WWTR1: variants seen among roughly 807,000 people sequenced by gnomAD.
The protein encoded by WWTR1 is WW domain containing transcription regulator 1.
Under a neutral mutation model 40.1 loss-of-function variants are expected in WWTR1, and 13 were observed. The ratio of observed to expected loss-of-function variants is 0.32; its 90% CI spans 0.21 to 0.52. WWTR1 has a LOEUF of 0.52. WWTR1 is among the 20% of genes least tolerant of loss of function. The pLI is 0.97. For missense variants in WWTR1, 436 were observed against 523.1 expected (o/e 0.83, Z 1.63); for synonymous variants, 230 against 210.1 (o/e 1.09, Z -0.82).
At chr3:149,546,326 T>C (rs985756182) in intron 3 of WWTR1, among the ~76,000 whole-genome samples, 1 of 152,256 alleles carries the variant, frequency 6.6e-6, no homozygotes, top group Non-Finnish European at 1.5e-5. Context: ...GTATTGTTTA[T>C]AATTGCAAAA....
chr3:149,574,111 GC>G (rs1275062390), intron 2 of WWTR1, among the ~76,000 whole-genome samples: 2 of 151,966 alleles, frequency 1.3e-5, no homozygotes, highest in Non-Finnish European at 2.9e-5. Flanking sequence ...GCCCATTGCA[GC>G]CCCGACATCC....
chr3:149,709,770 G>A (rs1715432748), intron 5 of WWTR1, among the ~76,000 whole-genome samples: 1 of 152,106 alleles, frequency 6.6e-6, no homozygotes, highest in South Asian at 2.1e-4. Flanking sequence ...CGGGTGTGGT[G>A]GAACATGCCT....
intron 2 of WWTR1, among the ~76,000 whole-genome samples, chr3:149,589,966 G>A (rs1738619800): frequency 6.6e-6 from 1 of 152,014 alleles, no homozygotes. Flanking sequence ...CCCCAGAAAG[G>A]AACAAATTCT....
intron 2 of WWTR1, among the ~76,000 whole-genome samples, chr3:149,648,820 C>A (rs980988504): frequency 1.1e-4 from 17 of 152,220 alleles, no homozygotes; most frequent in Admixed American, 1.1e-3. Flanking sequence ...CTGATCCAGG[C>A]TCTAGGACCA....
At chr3:149,629,416 C>T (rs146603101) in intron 2 of WWTR1, among the ~76,000 whole-genome samples, 1 of 152,172 alleles carries the variant, frequency 6.6e-6, no homozygotes, top group African/African-American at 2.4e-5. Context: ...GTATTTCCTA[C>T]GCTGGGGAAT....
At chr3:149,610,763 T>G (rs1247252330) in intron 2 of WWTR1, among the ~76,000 whole-genome samples, 1 of 152,188 alleles carries the variant, frequency 6.6e-6, no homozygotes, top group Non-Finnish European at 1.5e-5. Context: ...TTCACTCATT[T>G]GTCAAACATC....
chr3:149,580,892 G>A (rs192391056), intron 2 of WWTR1, among the ~76,000 whole-genome samples: 107 of 152,322 alleles, frequency 7.0e-4, no homozygotes, highest in African/African-American at 2.2e-3. Flanking sequence ...GATTATAGGC[G>A]TGAGCCACCG....
intron 2 of WWTR1, among the ~76,000 whole-genome samples, chr3:149,627,837 C>A (rs1035971973): frequency 2.0e-5 from 3 of 146,352 alleles, no homozygotes; most frequent in African/African-American, 5.1e-5. Context: ...CTTTGGGAGG[C>A]CGAGAAGGGG....
At chr3:149,717,155 G>T (rs9882629) in intron 5 of WWTR1, among the ~76,000 whole-genome samples, 48,049 of 152,040 alleles carry the variant, frequency 0.32, 8,429 homozygotes, top group Middle Eastern at 0.52. Context: ...GACTGGCCTT[G>T]TCTGGTTAAC....
intron 2 of WWTR1, among the ~76,000 whole-genome samples, chr3:149,616,133 A>G (rs951593294): frequency 2.6e-5 from 4 of 152,064 alleles, no homozygotes; most frequent in African/African-American, 7.2e-5. Flanking sequence ...TGGAAGCTAC[A>G]CTGCACTCAG....
intron 3 of WWTR1, among the ~76,000 whole-genome samples, chr3:149,567,695 T>C (rs1321623174): frequency 6.6e-6 from 1 of 152,212 alleles, no homozygotes; most frequent in East Asian, 1.9e-4. Context: ...CAGCTTACTA[T>C]ACATCAGGTA....
intron 1 of WWTR1, among the ~76,000 whole-genome samples, chr3:149,673,111 C>T (rs1417883869): frequency 2.0e-5 from 3 of 152,070 alleles, no homozygotes; most frequent in African/African-American, 4.8e-5. Context: ...TACAGTGGCT[C>T]ACGCCTGTAA....
chr3:149,544,771 T>G (rs1736292259), intron 3 of WWTR1, among the ~76,000 whole-genome samples: 8 of 152,178 alleles, frequency 5.3e-5, no homozygotes, highest in Admixed American at 5.2e-4. Context: ...TTCAATTGTT[T>G]GCAAGAAAGT....
chr3:149,668,480 C>T (rs544827290), intron 2 of WWTR1, among the ~76,000 whole-genome samples: 13 of 152,008 alleles, frequency 8.6e-5, no homozygotes, highest in Admixed American at 2.0e-4. Context: ...TGGTGGCGGG[C>T]GCCTGTAATC....
chr3:149,645,209 C>A (rs976709517), intron 2 of WWTR1, among the ~76,000 whole-genome samples: 5 of 151,976 alleles, frequency 3.3e-5, no homozygotes, highest in Non-Finnish European at 7.4e-5. Flanking sequence ...CCTCCCGAGT[C>A]ACTGGGACTA....
At chr3:149,651,522 T>G (rs1180431503) in intron 2 of WWTR1, among the ~76,000 whole-genome samples, 1 of 152,086 alleles carries the variant, frequency 6.6e-6, no homozygotes, top group East Asian at 1.9e-4. Context: ...AGAAAACTTT[T>G]GAGATCATAA....
intron 4 of WWTR1, among the ~76,000 whole-genome samples, chr3:149,722,853 T>C (rs1715786279): frequency 6.6e-6 from 1 of 152,098 alleles, no homozygotes; most frequent in Admixed American, 6.5e-5. Context: ...CTCCAGAATT[T>C]ATTTTTGCTT....
At chr3:149,683,996 T>C (rs991423861) in intron 1 of WWTR1, among the ~76,000 whole-genome samples, 2 of 152,224 alleles carry the variant, frequency 1.3e-5, no homozygotes, top group Admixed American at 6.5e-5. Context: ...TTCATTGTTG[T>C]TTTGTTCATA....
At chr3:149,711,121 G>A (rs1484314068) in intron 5 of WWTR1, among the ~76,000 whole-genome samples, 1 of 151,008 alleles carries the variant, frequency 6.6e-6, no homozygotes, top group Non-Finnish European at 1.5e-5. Flanking sequence ...GATGGGAAGG[G>A]GTGAAGAGGA....
Sources: allele counts gnomAD v4.1 joint callset (sites outside exome capture counted in the v4.1 genomes callset), GRCh38; gene constraint gnomAD v4.1.1; transcripts MANE v1.5; gene names NCBI Gene and HGNC (gene_info 2026-07-23, HGNC 2026-07-21).